Variants in SPA17 observed in about 807,000 individuals in gnomAD.
SPA17 encodes sperm autoantigenic protein 17.
In SPA17, 7 loss-of-function variants were observed where a neutral mutation model predicts 13.8. The ratio of observed to expected loss-of-function variants is 0.51; its 90% CI spans 0.29 to 0.95. The LOEUF (loss-of-function observed/expected upper bound fraction) is 0.95. Among genes scored for constraint, SPA17 ranks in the 40% least tolerant of loss-of-function variants. The pLI is 0.08. For missense variants in SPA17, 170 were observed against 179.3 expected (o/e 0.95, Z 0.30); for synonymous variants, 61 against 59.0 (o/e 1.03, Z -0.16).
intron 2 of SPA17, 144 bp from the exon 3 acceptor site, chr11:124,681,245 A>G: frequency 2.3e-6 from 1 of 440,596 alleles, no homozygotes; most frequent in Non-Finnish European, 3.9e-6. Flanking sequence ...CTGCAGTGCT[A>G]CGCTATGCAC....
intron 2 of SPA17, among the ~76,000 whole-genome samples, chr11:124,679,853 T>G (rs1943510346): frequency 6.6e-6 from 1 of 152,198 alleles, no homozygotes; most frequent in South Asian, 2.1e-4. Flanking sequence ...GGACAAATGT[T>G]TAATAATTAG....
chr11:124,690,986 A>G (rs2134418508), intron 3 of SPA17, among the ~76,000 whole-genome samples: 1 of 152,358 alleles, frequency 6.6e-6, no homozygotes, highest in Non-Finnish European at 1.5e-5. Flanking sequence ...TATCGAAGTC[A>G]AAGGAATAAT....
intron 2 of SPA17, among the ~76,000 whole-genome samples, chr11:124,679,324 C>T (rs926682276): frequency 2.0e-5 from 3 of 151,738 alleles, no homozygotes; most frequent in African/African-American, 7.3e-5. Flanking sequence ...AAAAAAAACC[C>T]TTAAGCTGTT....
chr11:124,680,786 CAG>C (rs1943521143), intron 2 of SPA17, among the ~76,000 whole-genome samples: 1 of 151,736 alleles, frequency 6.6e-6, no homozygotes, highest in South Asian at 2.1e-4. Context: ...GAAAAATAAT[CAG>C]AAGAAAAGGT....
intron 3 of SPA17, among the ~76,000 whole-genome samples, chr11:124,690,076 T>C (rs1188153444): frequency 1.3e-5 from 2 of 152,168 alleles, no homozygotes; most frequent in Non-Finnish European, 1.5e-5. Context: ...TAACTAAAAA[T>C]AGAATGACCA....
At chr11:124,674,947 A>T (rs1943440481) in intron 1 of SPA17, 1 of 180,130 alleles carries the variant, frequency 5.6e-6, no homozygotes, top group South Asian at 1.9e-4. Flanking sequence ...AATTACCCTT[A>T]CCTTTTGAGC....
intron 4 of SPA17, among the ~76,000 whole-genome samples, chr11:124,694,009 C>CA (rs1943649234): frequency 6.6e-6 from 1 of 152,124 alleles, no homozygotes; most frequent in Non-Finnish European, 1.5e-5. Flanking sequence ...CCCAACCCCC[C>CA]AAAAAATGTT....
chr11:124,693,349 A>G (rs565527992), intron 4 of SPA17, among the ~76,000 whole-genome samples: 1 of 152,186 alleles, frequency 6.6e-6, no homozygotes, highest in Non-Finnish European at 1.5e-5. Context: ...TAATATAATG[A>G]TGTCATAAAA....
At chr11:124,688,840 G>T (rs1943598592) in intron 3 of SPA17, among the ~76,000 whole-genome samples, 1 of 152,148 alleles carries the variant, frequency 6.6e-6, no homozygotes, top group Admixed American at 6.5e-5. Flanking sequence ...TGATATTATA[G>T]GTTGGTGCAA....
chr11:124,686,200 G>GGGGGTTT (rs1943577157), intron 3 of SPA17, among the ~76,000 whole-genome samples: 1 of 89,196 alleles, frequency 1.1e-5, no homozygotes, highest in African/African-American at 4.4e-5. Context: ...TGGGGGGGGG[G>GGGGGTTT]TGGTTTTATA....
chr11:124,681,228 G>A (rs192401295), intron 2 of SPA17, among the ~76,000 whole-genome samples, 161 bp from the exon 3 acceptor site: 11 of 152,210 alleles, frequency 7.2e-5, no homozygotes, highest in African/African-American at 2.6e-4. Context: ...ATAATCACTG[G>A]TAATGTCTGC....
intron 3 of SPA17, 34 bp from the exon 4 acceptor site, chr11:124,691,662 C>T (rs536560635): frequency 6.8e-7 from 1 of 1,468,038 alleles, no homozygotes; most frequent in East Asian, 2.4e-5. Context: ...ATTTTGGAAA[C>T]ATTGCTAATT....
chr11:124,684,449 G>A (rs369419744), intron 3 of SPA17, among the ~76,000 whole-genome samples: 36 of 152,002 alleles, frequency 2.4e-4, no homozygotes, highest in African/African-American at 8.0e-4. Context: ...TTGTATTTTC[G>A]CCATGTTGGC....
chr11:124,675,590 A>T, intron 2 of SPA17, 172 bp downstream of exon 2: 2 of 615,204 alleles, frequency 3.3e-6, no homozygotes, highest in Non-Finnish European at 5.3e-6. Flanking sequence ...ATGTTCTCTT[A>T]AATTCGTTTC....
chr11:124,693,616 G>A (rs1036148093), intron 4 of SPA17, among the ~76,000 whole-genome samples: 2 of 152,078 alleles, frequency 1.3e-5, no homozygotes, highest in African/African-American at 4.8e-5. Flanking sequence ...AACTATCACT[G>A]CCAGTGACAT....
At chr11:124,689,876 A>G (rs1943609765) in intron 3 of SPA17, among the ~76,000 whole-genome samples, 1 of 152,220 alleles carries the variant, frequency 6.6e-6, no homozygotes, top group Non-Finnish European at 1.5e-5. Flanking sequence ...AATATCACTA[A>G]TCATCAGAGA....
At chr11:124,693,353 C>T (rs1943641394) in intron 4 of SPA17, among the ~76,000 whole-genome samples, 1 of 151,666 alleles carries the variant, frequency 6.6e-6, no homozygotes, top group Non-Finnish European at 1.5e-5. Context: ...ATAATGATGT[C>T]ATAAAAAAAG....
intron 4 of SPA17, among the ~76,000 whole-genome samples, chr11:124,693,424 C>T (rs1943642267): frequency 1.3e-5 from 2 of 151,770 alleles, no homozygotes; most frequent in Admixed American, 1.3e-4. Context: ...TATATCGTTA[C>T]ATGGAAAAAG....
chr11:124,675,293 AC>A lies in SPA17; in HGVS notation c.31del (p.Arg11GlufsTer13), dbSNP rs1943446440. The A allele has an allele frequency of 1.9e-6, 3 of 1,614,076 alleles. No homozygotes were observed. The highest frequency in any genetic ancestry group is 2.5e-6 in the Non-Finnish European group (3 of 1,180,008). ...TCGATTCCATTCTCCAACACCCACT[AC>A]CGAATTCCACAAGGATTTGGGAATC... MSIPFSNTH[Y>X]RIPQGFGNLL... On this transcript the variant is annotated frameshift_variant, in exon 2 of 5. Coordinates refer to ENST00000227135, the MANE Select transcript of SPA17 (RefSeq NM_017425.4). LOFTEE classifies it high-confidence loss of function.
Sources: gnomAD v4.1 joint callset for allele counts (sites outside exome capture counted in the v4.1 genomes callset) on GRCh38, gnomAD v4.1.1 for gene constraint, MANE v1.5 for transcripts, NCBI Gene and HGNC (gene_info 2026-07-23, HGNC 2026-07-21) for gene names.